LHFPL2: variants seen among roughly 807,000 people sequenced by gnomAD.
LHFPL2 encodes LHFPL tetraspan subfamily member 2 protein.
Under a neutral mutation model 17.5 loss-of-function variants are expected in LHFPL2, and 7 were observed. That is an observed-to-expected ratio of 0.40 (90% CI 0.23 to 0.75). The LOEUF is 0.75. LHFPL2 is among the 30% of genes least tolerant of loss of function. The probability of loss-of-function intolerance (pLI) is 0.37; values close to 1 mark genes in which losing one functional copy is unlikely to be tolerated. For missense variants in LHFPL2, 241 were observed against 294.8 expected (o/e 0.82, Z 1.34); for synonymous variants, 134 against 116.2 (o/e 1.15, Z -0.99).
At position 78,494,640 on chromosome 5, in the gene LHFPL2, GGTATT is replaced by G. The variant is rs201556408; in HGVS notation, c.431-5492_431-5488del. 3.9e-3 allele frequency: 1,503 copies of G among 385,778 alleles called. 18 individuals are homozygous for G. The highest frequency in any genetic ancestry group is 0.031 in the African/African-American group (1,399 of 45,742). The allele number at this position is 385,778 out of a possible 1,614,324, so 23.9% of individuals were successfully genotyped here. The stretch of plus-strand genomic sequence containing the variant: ...CCTTGACAACCTCACCGATGGTCAT[GGTATT>G]GTATTGGGATAGCTGGTGCTCGCCC... On this transcript the variant is annotated intron_variant, in intron 4 of 4. Transcript: ENST00000380345.
chr5:78,626,938 G>A (rs1025825370), intron 2 of LHFPL2, among the ~76,000 whole-genome samples: 14 of 151,834 alleles, frequency 9.2e-5, no homozygotes, highest in East Asian at 3.9e-4. Context: ...AAAATTGGCC[G>A]GGCATGGTGG....
chr5:78,517,835 T>A (rs1015724404), intron 3 of LHFPL2, among the ~76,000 whole-genome samples: 3 of 152,188 alleles, frequency 2.0e-5, no homozygotes, highest in African/African-American at 7.2e-5. Context: ...GGTCCACTTG[T>A]CTGGTCCTAT....
At chr5:78,549,023 T>C (rs1233575547) in intron 3 of LHFPL2, 1 of 152,248 alleles carries the variant, frequency 6.6e-6, no homozygotes, top group Non-Finnish European at 1.5e-5. Flanking sequence ...TAGCTTAAAA[T>C]ACCTGATTAT....
chr5:78,591,991 G>C (rs1186838119), intron 2 of LHFPL2, among the ~76,000 whole-genome samples: 2 of 152,226 alleles, frequency 1.3e-5, no homozygotes, highest in African/African-American at 4.8e-5. Flanking sequence ...AGGAGGGCTG[G>C]GAAGTGGGCA....
chr5:78,511,103 G>GA (rs1755108319), intron 3 of LHFPL2, among the ~76,000 whole-genome samples: 1 of 95,860 alleles, frequency 1.0e-5, no homozygotes, highest in Non-Finnish European at 2.4e-5. Context: ...AAACTCAGAG[G>GA]GGAAAAAAAA....
At chr5:78,562,685 G>C (rs939863003) in intron 3 of LHFPL2, among the ~76,000 whole-genome samples, 4 of 151,552 alleles carry the variant, frequency 2.6e-5, no homozygotes, top group African/African-American at 9.7e-5. Flanking sequence ...CTACAATTCA[G>C]ACACAATTAA....
intron 4 of LHFPL2, among the ~76,000 whole-genome samples, chr5:78,505,845 C>T (rs1000839183): frequency 2.0e-5 from 3 of 152,358 alleles, no homozygotes; most frequent in East Asian, 3.9e-4. Context: ...TATTATCTAA[C>T]TTAATCCTCA....
At chr5:78,495,479 T>C (rs1203916337) in intron 4 of LHFPL2, among the ~76,000 whole-genome samples, 2 of 152,164 alleles carry the variant, frequency 1.3e-5, no homozygotes, top group Non-Finnish European at 2.9e-5. Context: ...AGTGAGTCTT[T>C]AGACACCACA....
chr5:78,534,174 G>A (rs998711693), intron 3 of LHFPL2, among the ~76,000 whole-genome samples: 2 of 152,182 alleles, frequency 1.3e-5, no homozygotes, highest in African/African-American at 2.4e-5. Context: ...CAGTCCCCTG[G>A]AGTCCCTCCT....
chr5:78,584,891 C>A (rs62378363), intron 2 of LHFPL2, among the ~76,000 whole-genome samples: 90 of 151,918 alleles, frequency 5.9e-4, no homozygotes, highest in Non-Finnish European at 1.1e-3. Flanking sequence ...GCCTCGCTGC[C>A]GCCTTGCAGT....
chr5:78,599,780 C>A (rs1362063810), intron 2 of LHFPL2, among the ~76,000 whole-genome samples: 2 of 152,170 alleles, frequency 1.3e-5, no homozygotes, highest in African/African-American at 4.8e-5. Flanking sequence ...TGGGAGACAG[C>A]CTTCAGCATG....
chr5:78,494,165 G>A (rs558765616), intron 4 of LHFPL2, among the ~76,000 whole-genome samples: 1 of 152,182 alleles, frequency 6.6e-6, no homozygotes, highest in Admixed American at 6.5e-5. Flanking sequence ...GTTGTGAAGG[G>A]CAATGGAAGA....
In LHFPL2 at chr5:78,581,991, A is replaced by G. The variant is rs182792459; in HGVS notation, c.-244-17120T>C. Among the ~76,000 whole-genome samples, 347 of 152,222 alleles carry G rather than the reference A, an allele frequency of 2.3e-3. 3 individuals carry two copies. The highest frequency in any genetic ancestry group is 3.1e-3 in the Non-Finnish European group (212 of 68,014). On this transcript the variant is annotated intron_variant, in intron 2 of 4. Coordinates refer to ENST00000380345, the MANE Select transcript of LHFPL2 (RefSeq NM_005779.3). ...GATCCTGTTATTGGTCTATTCAGAGATTCAACTTCTTCATGGTTTAGTCTT... is the reference window on the plus strand; with the variant it reads ...GATCCTGTTATTGGTCTATTCAGAGGTTCAACTTCTTCATGGTTTAGTCTT...
At chr5:78,496,298 G>A (rs766437083) in intron 4 of LHFPL2, among the ~76,000 whole-genome samples, 2 of 152,164 alleles carry the variant, frequency 1.3e-5, no homozygotes, top group Non-Finnish European at 2.9e-5. Flanking sequence ...GAATTCTAAT[G>A]AGACATTGCA....
At chr5:78,563,270 G>A (rs755830020) in intron 3 of LHFPL2, among the ~76,000 whole-genome samples, 6 of 152,160 alleles carry the variant, frequency 3.9e-5, no homozygotes, top group Non-Finnish European at 8.8e-5. Context: ...TGAGCAACTG[G>A]TTCAGAAAAT....
intron 3 of LHFPL2, among the ~76,000 whole-genome samples, chr5:78,552,126 T>C (rs1298456139): frequency 1.4e-5 from 2 of 147,558 alleles, no homozygotes; most frequent in Non-Finnish European, 3.0e-5. Flanking sequence ...ATCTGCCTCA[T>C]GTCAGTGATT....
chr5:78,599,116 G>A (rs569677892), intron 2 of LHFPL2, among the ~76,000 whole-genome samples: 63 of 152,180 alleles, frequency 4.1e-4, no homozygotes, highest in African/African-American at 1.5e-3. Context: ...CTCATCTCCA[G>A]CCCTTGCTTG....
At chr5:78,517,370 C>T (rs547798857) in intron 3 of LHFPL2, among the ~76,000 whole-genome samples, 16 of 152,338 alleles carry the variant, frequency 1.1e-4, no homozygotes, top group Admixed American at 9.8e-4. Context: ...CCAACTCCTC[C>T]TGTATCCAAT....
intron 3 of LHFPL2, among the ~76,000 whole-genome samples, chr5:78,553,156 C>T (rs549282684): frequency 3.5e-4 from 54 of 152,194 alleles, no homozygotes; most frequent in Non-Finnish European, 6.5e-4. Context: ...TTCACAACTT[C>T]GCCACCTCAT....
Sources: allele counts gnomAD v4.1 joint callset (sites outside exome capture counted in the v4.1 genomes callset), GRCh38; gene constraint gnomAD v4.1.1; transcripts MANE v1.5; gene names NCBI Gene and HGNC (gene_info 2026-07-23, HGNC 2026-07-21).